Variants in RORA observed in about 807,000 individuals in gnomAD.
The protein encoded by RORA is nuclear receptor ROR-alpha.
Under a neutral mutation model 69.5 loss-of-function variants are expected in RORA, and 7 were observed. That is an observed-to-expected ratio of 0.10 (90% CI 0.06 to 0.19). The LOEUF (loss-of-function observed/expected upper bound fraction) is 0.19. Ranked by LOEUF, RORA falls within the 10% of genes least tolerant of loss-of-function variation. The pLI is 1.00. For missense variants in RORA, 457 were observed against 663.0 expected (o/e 0.69, Z 3.41); for synonymous variants, 261 against 240.8 (o/e 1.08, Z -0.78).
At chr15:60,804,084 T>A (rs2072624210) in intron 1 of RORA, among the ~76,000 whole-genome samples, 3 of 151,280 alleles carry the variant, frequency 2.0e-5, no homozygotes, top group African/African-American at 4.9e-5. Context: ...AGGTCGGGAG[T>A]TCGAGACCAG....
At chr15:60,979,268 CTTTTTTTTTT>C (rs767729204) in intron 1 of RORA, among the ~76,000 whole-genome samples, 25 of 64,276 alleles carry the variant, frequency 3.9e-4, no homozygotes, top group Non-Finnish European at 6.7e-4. Context: ...CTAGCCCTTG[CTTTTTTTTTT>C]TTTTTTTTTT....
chr15:60,954,363 A>AGC (rs1566923612), intron 1 of RORA, among the ~76,000 whole-genome samples: 1 of 149,932 alleles, frequency 6.7e-6, no homozygotes, highest in Non-Finnish European at 1.5e-5. Flanking sequence ...TAGTGGGTGC[A>AGC]GCGCACCAGC....
chr15:60,991,974 T>C lies in RORA; in HGVS notation c.166+237079A>G, dbSNP rs546290659. Among the ~76,000 whole-genome samples, 92 of 151,884 alleles carry C rather than the reference T, an allele frequency of 6.1e-4. 2 individuals carry two copies. The South Asian group carries it at 0.019, about 31-fold the overall frequency. On this transcript the variant is annotated intron_variant, in intron 1 of 10. Coordinates refer to ENST00000335670, the MANE Select transcript of RORA (RefSeq NM_134261.3). ...TAAAAAGTTAGAAACAACCTCAATG[T>C]CTAACAATAAGAAATAAGAACATTA...
intron 1 of RORA, among the ~76,000 whole-genome samples, chr15:60,763,343 G>A (rs558698584): frequency 6.6e-6 from 1 of 152,082 alleles, no homozygotes; most frequent in East Asian, 1.9e-4. Context: ...GGGTTAACCG[G>A]TCCTTGGACA....
chr15:60,769,330 T>TAAC (rs2072037523), intron 1 of RORA, among the ~76,000 whole-genome samples: 2 of 152,224 alleles, frequency 1.3e-5, no homozygotes, highest in Non-Finnish European at 2.9e-5. Flanking sequence ...TCTTTTTGTC[T>TAAC]CGTCTTTATT....
At position 61,048,012 on chromosome 15, in the gene RORA, T is replaced by A. The variant is rs116262551; in HGVS notation, c.166+181041A>T. Among the ~76,000 whole-genome samples, 511 of 152,314 alleles carry A rather than the reference T, an allele frequency of 3.4e-3. 2 individuals are homozygous for A. Among genetic ancestry groups the A allele is most frequent in the African/African-American group, 0.012 (489 of 41,564 alleles). On this transcript the variant is annotated intron_variant, in intron 1 of 10. Coordinates refer to ENST00000335670, the MANE Select transcript of RORA (RefSeq NM_134261.3). ...ACTCACGTGTTTATGTAAGTAAGCA[T>A]TTAGATATGGCTTTGGAAAAGAAAA...
At chr15:60,582,509 G>C (rs2068220306) in intron 2 of RORA, among the ~76,000 whole-genome samples, 1 of 152,174 alleles carries the variant, frequency 6.6e-6, no homozygotes, top group Non-Finnish European at 1.5e-5. Flanking sequence ...GCAGATCTGG[G>C]ACAATAACCC....
chr15:60,905,201 C>G lies in RORA; in HGVS notation c.167-226515G>C, dbSNP rs1891502339. On this transcript the variant is annotated intron_variant, in intron 1 of 10. Coordinates refer to ENST00000335670, the MANE Select transcript of RORA (RefSeq NM_134261.3). The surrounding 1 kb of genome is among the most constrained non-coding windows in gnomAD (Gnocchi z 4.8). The stretch of plus-strand genomic sequence containing the variant: ...TGCAGTCTTAGCCCTGTTATCATCT[C>G]TGATCTTGACCATTTCCCTTAGCCA... Among the ~76,000 whole-genome samples the G allele has an allele frequency of 6.6e-6, 1 of 152,220 alleles. No homozygotes were observed. Among genetic ancestry groups the G allele is most frequent in the Admixed American group, 6.5e-5 (1 of 15,288 alleles).
At chr15:60,977,591 C>T (rs1464734213) in intron 1 of RORA, among the ~76,000 whole-genome samples, 3 of 152,056 alleles carry the variant, frequency 2.0e-5, no homozygotes, top group Non-Finnish European at 4.4e-5. Flanking sequence ...AAAAGAAACC[C>T]CATAGCTGTT....
chr15:60,504,510 G>A lies in RORA; in HGVS notation c.943-843C>T, dbSNP rs558659345. Among the ~76,000 whole-genome samples the A allele has an allele frequency of 3.9e-5, 6 of 152,282 alleles. No individual in the cohort carries two copies. The East Asian group carries it at 1.2e-3, about 29-fold the overall frequency. On this transcript the variant is annotated intron_variant, in intron 6 of 10. Transcript: ENST00000335670. Reference sequence around the variant, plus strand: ...TGCAGTGAGCCGAGATTGCGCCAGTGCAAGTGTCAGCTTGGCGACAGAGTG... The same window carrying A: ...TGCAGTGAGCCGAGATTGCGCCAGTACAAGTGTCAGCTTGGCGACAGAGTG...
intron 1 of RORA, among the ~76,000 whole-genome samples, chr15:61,200,208 C>T (rs1169844231): frequency 2.6e-5 from 4 of 152,154 alleles, no homozygotes; most frequent in African/African-American, 9.7e-5. Context: ...CATTCTGCTT[C>T]GTTTCTGGCA....
At chr15:60,734,051 T>C (rs987281273) in intron 1 of RORA, among the ~76,000 whole-genome samples, 9 of 150,614 alleles carry the variant, frequency 6.0e-5, no homozygotes, top group African/African-American at 2.2e-4. Context: ...GAGAGTGAGA[T>C]GGAGATGAGA....
chr15:60,499,139 A>C (rs2065254442), intron 10 of RORA, among the ~76,000 whole-genome samples: 1 of 152,228 alleles, frequency 6.6e-6, no homozygotes, highest in Non-Finnish European at 1.5e-5. Flanking sequence ...AAAGTCATTT[A>C]CTGTTGATGA....
chr15:60,605,492 G>A (rs1032897352), intron 2 of RORA, among the ~76,000 whole-genome samples: 2 of 152,084 alleles, frequency 1.3e-5, no homozygotes, highest in African/African-American at 2.4e-5. Context: ...TAATCTAAAT[G>A]TTAAACTATA....
At chr15:60,616,356 C>T (rs1358712235) in intron 2 of RORA, among the ~76,000 whole-genome samples, 5 of 152,180 alleles carry the variant, frequency 3.3e-5, no homozygotes, top group South Asian at 2.1e-4. Flanking sequence ...TCATCTCTCA[C>T]CTTGTTGTCT....
In RORA at chr15:61,186,087, T is replaced by C. The variant is rs755627593; in HGVS notation, c.166+42966A>G. ...TAAAACGTGAAAAATTAACCACTTA[T>C]GATTTGTCTGCAAAATACAATCTGT... On this transcript the variant is annotated intron_variant, in intron 1 of 10. Transcript: ENST00000335670. Among the ~76,000 whole-genome samples, 6 of 152,350 alleles carry C rather than the reference T, an allele frequency of 3.9e-5. No individual in the cohort carries two copies. The East Asian group carries it at 1.2e-3, about 29-fold the overall frequency.
chr15:60,617,461 G>A (rs561659748), intron 2 of RORA, among the ~76,000 whole-genome samples: 3 of 152,238 alleles, frequency 2.0e-5, no homozygotes, highest in East Asian at 1.9e-4. Context: ...AAGGCAGAAC[G>A]TGACAGTGAG....
chr15:61,106,747 C>G (rs915187651), intron 1 of RORA, among the ~76,000 whole-genome samples: 4 of 152,206 alleles, frequency 2.6e-5, no homozygotes, highest in Admixed American at 1.3e-4. Flanking sequence ...TCAGTATATA[C>G]ATCTTTCCAT....
At chr15:60,589,885 T>G (rs548946578) in intron 2 of RORA, among the ~76,000 whole-genome samples, 1 of 152,322 alleles carries the variant, frequency 6.6e-6, no homozygotes, top group South Asian at 2.1e-4. Flanking sequence ...TAAACAGTAT[T>G]TCTGTTTTGC....
Sources: gnomAD v4.1 joint callset for allele counts (sites outside exome capture counted in the v4.1 genomes callset) on GRCh38, gnomAD v4.1.1 for gene constraint, Gnocchi (gnomAD v3.1) non-coding constraint, MANE v1.5 for transcripts, NCBI Gene and HGNC (gene_info 2026-07-23, HGNC 2026-07-21) for gene names.